The following SNTB2 variants were observed in gnomAD, a reference collection of about 807,000 sequenced individuals.
SNTB2 encodes syntrophin beta 2, also known as beta-2-syntrophin.
Under a neutral mutation model 46.2 loss-of-function variants are expected in SNTB2, and 34 were observed. The ratio of observed to expected loss-of-function variants is 0.74; its 90% CI spans 0.56 to 0.98. SNTB2 has a LOEUF of 0.98. Among genes scored for constraint, SNTB2 ranks in the 50% least tolerant of loss-of-function variants. The pLI is 0.00. For synonymous variants in SNTB2, 290 were observed against 312.6 expected, an observed-to-expected ratio of 0.93 and a Z score of 0.76; for missense variants, 603 against 731.4, an observed-to-expected ratio of 0.82 and a Z score of 2.02.
At position 69,262,802 on chromosome 16, in the gene SNTB2, G is replaced by A. The variant is rs570621509; in HGVS notation, c.1005+2542G>A. Among the ~76,000 whole-genome samples, 238 of 151,878 alleles carry A rather than the reference G, an allele frequency of 1.6e-3. 1 individual carries two copies. Among genetic ancestry groups the A allele is most frequent in the African/African-American group, 5.3e-3 (221 of 41,384 alleles). On this transcript the variant is annotated intron_variant, in intron 3 of 6. Transcript: ENST00000336278. ...AGCGATTCCCCTGCCTCAGCCTCCC[G>A]AGTAGCTGGGATTACAGGCACATGC...
intron 2 of SNTB2, among the ~76,000 whole-genome samples, chr16:69,255,963 G>A (rs533826568): frequency 7.2e-5 from 11 of 151,734 alleles, no homozygotes; most frequent in Middle Eastern, 3.4e-3. Flanking sequence ...TGAGGCGGGC[G>A]GATCATGAGG....
chr16:69,221,827 G>C (rs1344824331), intron 1 of SNTB2, among the ~76,000 whole-genome samples: 3 of 152,094 alleles, frequency 2.0e-5, no homozygotes, highest in Non-Finnish European at 4.4e-5. Flanking sequence ...TTGCAAATAA[G>C]TGGTGTATCA....
chr16:69,279,176 T>C (rs1053507327), intron 4 of SNTB2, among the ~76,000 whole-genome samples: 6 of 152,134 alleles, frequency 3.9e-5, no homozygotes, highest in African/African-American at 1.4e-4. Context: ...TCCATTTCCA[T>C]CTCTCCCTCA....
intron 4 of SNTB2, among the ~76,000 whole-genome samples, chr16:69,276,564 AACTT>A (rs770275247): frequency 3.3e-5 from 5 of 152,188 alleles, no homozygotes; most frequent in East Asian, 1.9e-4. Flanking sequence ...GTAATTTTGA[AACTT>A]ACTTAACTCT....
At chr16:69,222,880 C>G (rs892765925) in intron 1 of SNTB2, among the ~76,000 whole-genome samples, 17 of 151,706 alleles carry the variant, frequency 1.1e-4, no homozygotes, top group South Asian at 4.2e-4. Context: ...CTCCCAGGTT[C>G]AAGCAATTCT....
chr16:69,296,790 T>C (rs1489579070), intron 5 of SNTB2, among the ~76,000 whole-genome samples: 1 of 150,544 alleles, frequency 6.6e-6, no homozygotes, highest in Admixed American at 6.6e-5. Context: ...GCAGATCACG[T>C]GAGGTCAGGA....
chr16:69,213,890 T>G (rs1428746097), intron 1 of SNTB2, among the ~76,000 whole-genome samples: 1 of 143,834 alleles, frequency 7.0e-6, no homozygotes, highest in Non-Finnish European at 1.5e-5. Flanking sequence ...TGGCATGATC[T>G]CGACTCACTG....
At chr16:69,212,697 C>T (rs1040830381) in intron 1 of SNTB2, among the ~76,000 whole-genome samples, 2 of 147,156 alleles carry the variant, frequency 1.4e-5, no homozygotes, top group East Asian at 2.1e-4. Flanking sequence ...TGCAATGGCA[C>T]GATCTTGGCT....
chr16:69,192,722 C>T (rs150165780), intron 1 of SNTB2, among the ~76,000 whole-genome samples: 2 of 152,246 alleles, frequency 1.3e-5, no homozygotes, highest in African/African-American at 4.8e-5. Context: ...GGAAAATGCA[C>T]TGATTCCTTA....
At chr16:69,260,394 G>T (rs749195742) in intron 3 of SNTB2, 134 bp downstream of exon 3, 3 of 820,198 alleles carry the variant, frequency 3.7e-6, no homozygotes, top group Admixed American at 2.6e-5. Context: ...TTGTTTTTCA[G>T]TGTTTTGTTT....
chr16:69,261,936 T>C (rs1964838501), intron 3 of SNTB2, among the ~76,000 whole-genome samples: 1 of 152,156 alleles, frequency 6.6e-6, no homozygotes, highest in South Asian at 2.1e-4. Flanking sequence ...AGGCAGGGTG[T>C]GGTGGCTCAT....
chr16:69,252,348 C>T (rs1385741588), intron 2 of SNTB2, among the ~76,000 whole-genome samples: 1 of 152,152 alleles, frequency 6.6e-6, no homozygotes, highest in African/African-American at 2.4e-5. Context: ...GTATTTCATT[C>T]TGGAAAGCGA....
At chr16:69,292,404 ATAT>A (rs1220049156) in intron 5 of SNTB2, among the ~76,000 whole-genome samples, 23 of 21,226 alleles carry the variant, frequency 1.1e-3, no homozygotes, top group African/African-American at 5.1e-3. Flanking sequence ...ATATATATAT[ATAT>A]TATATATATA....
intron 1 of SNTB2, 59 bp downstream of exon 1, chr16:69,187,805 C>T: frequency 7.7e-7 from 1 of 1,294,560 alleles, no homozygotes; most frequent in Non-Finnish European, 1.0e-6. Flanking sequence ...CGCGGGAGCT[C>T]ACTTTGTTCC....
At chr16:69,188,275 T>C (rs755829455) in intron 1 of SNTB2, among the ~76,000 whole-genome samples, 11 of 152,208 alleles carry the variant, frequency 7.2e-5, no homozygotes, top group Non-Finnish European at 1.6e-4. Context: ...TAGCATTTCA[T>C]TGAAGCCAGA....
At chr16:69,283,485 T>G (rs1965070195) in intron 4 of SNTB2, among the ~76,000 whole-genome samples, 1 of 152,206 alleles carries the variant, frequency 6.6e-6, no homozygotes, top group Admixed American at 6.5e-5. Flanking sequence ...GATGAGATAT[T>G]CACTGCCTTC....
chr16:69,263,071 C>G (rs184964536), intron 3 of SNTB2, among the ~76,000 whole-genome samples: 41 of 152,052 alleles, frequency 2.7e-4, no homozygotes, highest in African/African-American at 9.4e-4. Flanking sequence ...CCCATCTACC[C>G]CTTACCTCAG....
intron 1 of SNTB2, among the ~76,000 whole-genome samples, chr16:69,230,122 T>C (rs1964493795): frequency 6.6e-6 from 1 of 151,870 alleles, no homozygotes; most frequent in African/African-American, 2.4e-5. Context: ...TATAATAATT[T>C]ATTACAGAGC....
intron 6 of SNTB2, among the ~76,000 whole-genome samples, chr16:69,300,071 T>C (rs1965264227): frequency 6.7e-6 from 1 of 150,194 alleles, no homozygotes; most frequent in South Asian, 2.1e-4. Flanking sequence ...CAATTTTTTA[T>C]ATTCTTTATA....
Sources: gnomAD v4.1 joint callset for allele counts (sites outside exome capture counted in the v4.1 genomes callset) on GRCh38, gnomAD v4.1.1 for gene constraint, MANE v1.5 for transcripts, NCBI Gene and HGNC (gene_info 2026-07-23, HGNC 2026-07-21) for gene names.